Variants in NAA50 observed in about 807,000 individuals in gnomAD.
NAA50 encodes the protein N-alpha-acetyltransferase 50.
Under a neutral mutation model 20.7 loss-of-function variants are expected in NAA50, and 7 were observed. That is an observed-to-expected ratio of 0.34 (90% CI 0.19 to 0.63). The LOEUF is 0.63. Among genes scored for constraint, NAA50 ranks in the 30% least tolerant of loss-of-function variants. The probability of loss-of-function intolerance (pLI) is 0.75; values close to 1 mark genes in which losing one functional copy is unlikely to be tolerated. For synonymous variants in NAA50, 54 were observed against 70.6 expected (o/e 0.77, Z 1.18); for missense variants, 111 against 199.1 (o/e 0.56, Z 2.66).
At chr3:113,744,253 G>T (rs1403280040) in intron 1 of NAA50, among the ~76,000 whole-genome samples, 1 of 152,066 alleles carries the variant, frequency 6.6e-6, no homozygotes, top group African/African-American at 2.4e-5. Flanking sequence ...CTTGAGCTCA[G>T]GAGTTTGAGA....
rs984567929 is a variant in NAA50 at position 113,717,194 on chromosome 3, G to A, written c.*4566C>T. 6.6e-6 allele frequency: 1 copy of A among 152,146 alleles called. No individual in the cohort carries two copies. Among genetic ancestry groups the A allele is most frequent in the Non-Finnish European group, 1.5e-5 (1 of 68,048 alleles). 9.4% of individuals were successfully genotyped at this position (152,146 alleles called of 1,614,324 possible). Reference sequence around the variant, plus strand: ...CTACTAAAATACAAAAAATTAGCCAGGCGTGGTGGCATGCGCTTTCTAGTC... The same window carrying A: ...CTACTAAAATACAAAAAATTAGCCAAGCGTGGTGGCATGCGCTTTCTAGTC... On this transcript the variant is annotated 3_prime_UTR_variant, in exon 5 of 5. Coordinates refer to ENST00000240922, the MANE Select transcript of NAA50 (RefSeq NM_025146.4).
chr3:113,729,635 C>T (rs775742948), intron 1 of NAA50, among the ~76,000 whole-genome samples: 7 of 151,568 alleles, frequency 4.6e-5, no homozygotes, highest in African/African-American at 1.5e-4. Context: ...GCTCCGCCTA[C>T]GGGCTCAGGG....
chr3:113,721,590 A>C lies in NAA50; in HGVS notation c.*170T>G, dbSNP rs113097575. 51 of 673,950 alleles carry C rather than the reference A, an allele frequency of 7.6e-5. 4 individuals carry two copies. Among genetic ancestry groups the C allele is most frequent in the African/African-American group, 4.7e-4 (26 of 55,074 alleles). 41.7% of individuals were successfully genotyped at this position (673,950 alleles called of 1,614,324 possible). On this transcript the variant is annotated 3_prime_UTR_variant, in exon 5 of 5. Coordinates refer to ENST00000240922, the MANE Select transcript of NAA50 (RefSeq NM_025146.4). ...ACAATTCAAACATGATTATTTTTTT[A>C]AAGTCCTTGAAAGTATTAAAACTCT...
chr3:113,730,739 T>C (rs1360440776), intron 1 of NAA50, among the ~76,000 whole-genome samples: 1 of 152,232 alleles, frequency 6.6e-6, no homozygotes, highest in Non-Finnish European at 1.5e-5. Context: ...TGTCTGAGAC[T>C]CACCCCGGTG....
At chr3:113,743,406 G>A (rs769490351) in intron 1 of NAA50, among the ~76,000 whole-genome samples, 2 of 152,128 alleles carry the variant, frequency 1.3e-5, no homozygotes, top group African/African-American at 2.4e-5. Context: ...CCACTGTTTC[G>A]TTTTTACAGG....
In NAA50 at chr3:113,717,797, T is replaced by C. The variant is rs541946193; in HGVS notation, c.*3963A>G. On this transcript the variant is annotated 3_prime_UTR_variant, in exon 5 of 5. Coordinates refer to ENST00000240922, the MANE Select transcript of NAA50 (RefSeq NM_025146.4). ...ATTTCTTTTATATCCCGAATAACTG[T>C]AAAGTGCAGTGCTTTATAACCCTCA... 6.6e-6 allele frequency: 1 copy of C among 152,314 alleles called. No homozygotes were observed. Among genetic ancestry groups the C allele is most frequent in the East Asian group, 1.9e-4 (1 of 5,182 alleles). The allele number at this position is 152,314 out of a possible 1,614,324, so 9.4% of individuals were successfully genotyped here. A position where few individuals can be genotyped will look rare whatever the true frequency, so the allele number is the denominator to read the frequency against.
chr3:113,734,381 T>C (rs1025430623), intron 1 of NAA50, among the ~76,000 whole-genome samples: 1 of 152,088 alleles, frequency 6.6e-6, no homozygotes, highest in Non-Finnish European at 1.5e-5. Context: ...ACAAGATCAA[T>C]TGTACACTAA....
intron 1 of NAA50, among the ~76,000 whole-genome samples, chr3:113,725,915 T>C (rs1041635529): frequency 2.0e-5 from 3 of 152,220 alleles, no homozygotes; most frequent in Non-Finnish European, 4.4e-5. Flanking sequence ...AACATTCTAC[T>C]TGGTAAGGAG....
intron 1 of NAA50, chr3:113,745,597 G>T: frequency 3.1e-6 from 1 of 325,372 alleles, no homozygotes. Context: ...GCTGCGGGCC[G>T]GCGTGGCTCA....
chr3:113,736,572 G>A (rs527881048), intron 1 of NAA50, among the ~76,000 whole-genome samples: 3 of 152,130 alleles, frequency 2.0e-5, no homozygotes, highest in Admixed American at 6.6e-5. Context: ...TATTATGGAC[G>A]CAAATGTTTT....
intron 1 of NAA50, among the ~76,000 whole-genome samples, chr3:113,740,266 T>C (rs947253481): frequency 1.3e-5 from 2 of 152,240 alleles, no homozygotes; most frequent in Non-Finnish European, 2.9e-5. Flanking sequence ...AACTACTCAT[T>C]TTCCTTAGAA....
At position 113,716,817 on chromosome 3, in the gene NAA50, T is replaced by C. The variant is rs1329349400; in HGVS notation, c.*4943A>G. 2.0e-5 allele frequency: 3 copies of C among 152,188 alleles called. No homozygotes were observed. The highest frequency in any genetic ancestry group is 4.4e-5 in the Non-Finnish European group (3 of 68,022). The allele number at this position is 152,188 out of a possible 1,614,324, so 9.4% of individuals were successfully genotyped here. On this transcript the variant is annotated 3_prime_UTR_variant, in exon 5 of 5. Coordinates refer to ENST00000240922, the MANE Select transcript of NAA50 (RefSeq NM_025146.4). ...AATACAAAGCTTACAAACTCCAAAA[T>C]AGTTCAGCCAATAGAGTAACTTCCC...
At chr3:113,741,016 A>G in intron 1 of NAA50, 1 of 492,156 alleles carries the variant, frequency 2.0e-6, no homozygotes, top group Non-Finnish European at 4.1e-6. Context: ...TAACATTAAC[A>G]GTTACTTTTC....
At chr3:113,729,036 A>T (rs1375521905) in intron 1 of NAA50, among the ~76,000 whole-genome samples, 1 of 142,594 alleles carries the variant, frequency 7.0e-6, no homozygotes, top group African/African-American at 2.7e-5. Context: ...CTCAGGCTGG[A>T]GTGTAGCGGT....
At chr3:113,733,614 G>A (rs1459166809) in intron 1 of NAA50, among the ~76,000 whole-genome samples, 3 of 151,830 alleles carry the variant, frequency 2.0e-5, no homozygotes, top group East Asian at 1.9e-4. Context: ...CACTTTGGGC[G>A]GCTGAGGCAG....
intron 1 of NAA50, among the ~76,000 whole-genome samples, chr3:113,736,781 C>G (rs1038777116): frequency 2.0e-5 from 3 of 152,126 alleles, no homozygotes; most frequent in African/African-American, 7.2e-5. Flanking sequence ...GCCTCAGCCT[C>G]CTGAGCTATT....
Position 113,719,042 on chromosome 3 carries a change from T to C in NAA50, c.*2718A>G, listed in dbSNP as rs1295212277. 1.3e-5 allele frequency: 2 copies of C among 152,642 alleles called. No individual in the cohort carries two copies. Among genetic ancestry groups the C allele is most frequent in the African/African-American group, 4.8e-5 (2 of 41,456 alleles). The allele number at this position is 152,642 out of a possible 1,614,324, so 9.5% of individuals were successfully genotyped here. A position where few individuals can be genotyped will look rare whatever the true frequency, so the allele number is the denominator to read the frequency against. ...TTCAGATGTAACAGCAATGTTAAAA[T>C]TGACAAGTTTAATTCTTAACTGCAC... On this transcript the variant is annotated 3_prime_UTR_variant, in exon 5 of 5. Coordinates refer to ENST00000240922, the MANE Select transcript of NAA50 (RefSeq NM_025146.4).
intron 1 of NAA50, among the ~76,000 whole-genome samples, chr3:113,734,582 T>C (rs1708315155): frequency 1.3e-5 from 2 of 152,214 alleles, no homozygotes; most frequent in African/African-American, 4.8e-5. Context: ...AAGTAGAAAG[T>C]AAATGATTCC....
At chr3:113,739,022 C>T (rs972388794) in intron 1 of NAA50, among the ~76,000 whole-genome samples, 1 of 152,064 alleles carries the variant, frequency 6.6e-6, no homozygotes, top group African/African-American at 2.4e-5. Flanking sequence ...AAACAACTTA[C>T]GTCACAAAAT....
Sources: allele counts gnomAD v4.1 joint callset (sites outside exome capture counted in the v4.1 genomes callset), GRCh38; gene constraint gnomAD v4.1.1; transcripts MANE v1.5; gene names NCBI Gene and HGNC (gene_info 2026-07-23, HGNC 2026-07-21).